RBFOX3: variants seen among roughly 807,000 people sequenced by gnomAD.
RBFOX3 encodes RNA binding fox-1 homolog 3, also known as RNA binding protein fox-1 homolog 3.
In RBFOX3, 17 loss-of-function variants were observed where a neutral mutation model predicts 48.7. The ratio of observed to expected loss-of-function variants is 0.35; its 90% CI spans 0.24 to 0.52. The LOEUF (loss-of-function observed/expected upper bound fraction) is 0.52, where lower values mean the gene tolerates loss of function less well. RBFOX3 is among the 20% of genes least tolerant of loss of function. RBFOX3 has a pLI of 0.94. For synonymous variants in RBFOX3, 212 were observed against 209.5 expected, an observed-to-expected ratio of 1.01 and a Z score of -0.10; for missense variants, 382 against 497.5, an observed-to-expected ratio of 0.77 and a Z score of 2.21.
At chr17:79,187,929 G>A (rs945600898) in intron 4 of RBFOX3, among the ~76,000 whole-genome samples, 1 of 152,286 alleles carries the variant, frequency 6.6e-6, no homozygotes, top group East Asian at 1.9e-4. Context: ...TGGGAAACTC[G>A]TCAGCCTTTT....
the RBFOX3 span, among the ~76,000 whole-genome samples, chr17:79,628,602 G>T: frequency 1.3e-5 from 2 of 152,052 alleles, no homozygotes; most frequent in Non-Finnish European, 2.9e-5. Context: ...TGCAATTGAG[G>T]GGCACTCGGT....
At chr17:79,472,601 A>G (rs1555757609) in intron 2 of RBFOX3, among the ~76,000 whole-genome samples, 1 of 152,222 alleles carries the variant, frequency 6.6e-6, no homozygotes, top group Non-Finnish European at 1.5e-5. Flanking sequence ...AATGCTGCCA[A>G]CAGCTTGATC....
intron 2 of RBFOX3, among the ~76,000 whole-genome samples, chr17:79,356,919 G>T (rs947685562): frequency 6.6e-6 from 1 of 152,140 alleles, no homozygotes; most frequent in South Asian, 2.1e-4. Flanking sequence ...GCTCCTGTCG[G>T]GCTGAGCCTC....
intron 4 of RBFOX3, among the ~76,000 whole-genome samples, chr17:79,230,964 G>A (rs2060967557): frequency 1.3e-5 from 2 of 152,108 alleles, no homozygotes; most frequent in South Asian, 2.1e-4. Context: ...ACAAGCTGAA[G>A]ACTAGTTTTC....
At chr17:79,379,664 A>G (rs111761331) in intron 2 of RBFOX3, among the ~76,000 whole-genome samples, 4 of 152,242 alleles carry the variant, frequency 2.6e-5, no homozygotes, top group African/African-American at 7.2e-5. Flanking sequence ...CCAGGGCTAC[A>G]CTGCGCTTGT....
intron 1 of RBFOX3, among the ~76,000 whole-genome samples, chr17:79,589,217 C>T (rs918804939): frequency 1.3e-5 from 2 of 152,108 alleles, no homozygotes; most frequent in South Asian, 4.2e-4. Flanking sequence ...TCTTGCGCTG[C>T]GGCAGGCTGC....
intron 3 of RBFOX3, among the ~76,000 whole-genome samples, chr17:79,306,271 G>T (rs1187357087): frequency 6.6e-6 from 1 of 152,258 alleles, no homozygotes; most frequent in African/African-American, 2.4e-5. Flanking sequence ...AAACGAGACG[G>T]GGCTGTGAGA....
At position 79,158,119 on chromosome 17, in the gene RBFOX3, G is replaced by A. The variant is rs533725552; in HGVS notation, c.-33-42371C>T. ...TACAAGAAGAGGCGATTAGGACATA[G>A]ACACACACAGACAGACGACCATGTG... On this transcript the variant is annotated intron_variant, in intron 4 of 14. Transcript: ENST00000693108. 5.2e-3 allele frequency among the ~76,000 whole-genome samples: 788 copies of A among 152,136 alleles called. 7 individuals carry two copies. The highest frequency in any genetic ancestry group is 0.018 in the African/African-American group (751 of 41,530).
chr17:79,330,917 G>A (rs9910337), intron 2 of RBFOX3, among the ~76,000 whole-genome samples: 2,030 of 152,252 alleles, frequency 0.013, 41 homozygotes, highest in African/African-American at 0.046. Flanking sequence ...GCCACGTCTC[G>A]CTGTGTTCTG....
chr17:79,279,885 T>A (rs1600384532), intron 3 of RBFOX3, among the ~76,000 whole-genome samples: 1 of 152,020 alleles, frequency 6.6e-6, no homozygotes, highest in African/African-American at 2.4e-5. Context: ...AACTGGAAGG[T>A]CTTAACAACT....
chr17:79,137,887 G>A (rs1016747742), intron 4 of RBFOX3, among the ~76,000 whole-genome samples: 2 of 152,204 alleles, frequency 1.3e-5, no homozygotes, highest in African/African-American at 4.8e-5. Context: ...GCCGCGGCCC[G>A]TTCCTGCCGA....
rs2056417826 is a variant in RBFOX3 at position 79,199,705 on chromosome 17, G to A, written c.-34+36061C>T. On this transcript the variant is annotated intron_variant, in intron 4 of 14. Transcript: ENST00000693108. This position sits in a 1 kb window ranked among gnomAD's most constrained non-coding sequence, Gnocchi z 5.1. ...GCTTCATTTCCAAGAGTCACACATGGCTCCTGGTGACCATATTGACACAGA... is the reference window on the plus strand; with the variant it reads ...GCTTCATTTCCAAGAGTCACACATGACTCCTGGTGACCATATTGACACAGA... Among the ~76,000 whole-genome samples, 1 of 152,160 alleles carries A rather than the reference G, an allele frequency of 6.6e-6. No homozygotes were observed. Among genetic ancestry groups the A allele is most frequent in the Non-Finnish European group, 1.5e-5 (1 of 68,030 alleles).
intron 1 of RBFOX3, among the ~76,000 whole-genome samples, chr17:79,594,850 C>T (rs939255023): frequency 1.2e-4 from 19 of 152,266 alleles, no homozygotes; most frequent in Admixed American, 1.2e-3. Flanking sequence ...TCCCCACCCT[C>T]GGCATGCCCC....
intron 3 of RBFOX3, among the ~76,000 whole-genome samples, chr17:79,291,496 T>C (rs1276773339): frequency 6.6e-6 from 1 of 152,162 alleles, no homozygotes; most frequent in East Asian, 1.9e-4. Context: ...TTGCAAAAGC[T>C]CTTGGTCAGG....
the RBFOX3 span, among the ~76,000 whole-genome samples, chr17:79,645,764 G>A: frequency 5.3e-5 from 8 of 152,364 alleles, no homozygotes; most frequent in Admixed American, 3.9e-4. Flanking sequence ...AAGGAGTGAA[G>A]CGGGGTTAGC....
chr17:79,449,803 CAGG>C (rs1322656789), intron 2 of RBFOX3, among the ~76,000 whole-genome samples: 2 of 152,162 alleles, frequency 1.3e-5, no homozygotes, highest in Non-Finnish European at 2.9e-5. Flanking sequence ...GTGGTCTGGG[CAGG>C]AGAAGACTCA....
chr17:79,522,240 C>A (rs891726464), intron 1 of RBFOX3, among the ~76,000 whole-genome samples: 29 of 152,276 alleles, frequency 1.9e-4, no homozygotes, highest in Non-Finnish European at 2.6e-4. Context: ...ATGTTCCCTG[C>A]CATTATTTTT....
chr17:79,271,394 T>C (rs1188058357), intron 3 of RBFOX3, among the ~76,000 whole-genome samples: 1 of 152,162 alleles, frequency 6.6e-6, no homozygotes, highest in Admixed American at 6.5e-5. Flanking sequence ...AGTAAGAATT[T>C]GAAGGTGGGA....
intron 4 of RBFOX3, among the ~76,000 whole-genome samples, chr17:79,166,289 G>A (rs1326230353): frequency 6.6e-6 from 1 of 152,176 alleles, no homozygotes; most frequent in Non-Finnish European, 1.5e-5. Context: ...GGGAGCCTTG[G>A]CAGGAGCTAT....
Sources: allele counts gnomAD v4.1 joint callset (sites outside exome capture counted in the v4.1 genomes callset), GRCh38; gene constraint gnomAD v4.1.1; non-coding constraint Gnocchi (gnomAD v3.1); transcripts MANE v1.5; gene names NCBI Gene and HGNC (gene_info 2026-07-23, HGNC 2026-07-21).